Variants in CNTN6 observed in about 807,000 individuals in gnomAD.
CNTN6 encodes contactin 6, also known as contactin-6.
A neutral mutation model predicts 122.8 loss-of-function variants in CNTN6; 137 were observed. That is an observed-to-expected ratio of 1.12 (90% CI 0.97 to 1.29). The LOEUF is 1.29. Ranked by LOEUF, CNTN6 falls within the 50% of genes most tolerant of loss-of-function variation. The pLI is 0.00. For missense variants in CNTN6, 1,634 were observed against 1,223.4 expected (o/e 1.34, Z -5.01); for synonymous variants, 570 against 426.0 (o/e 1.34, Z -4.16).
chr3:1,168,406 G>A (rs1048368220), intron 2 of CNTN6, among the ~76,000 whole-genome samples: 3 of 148,676 alleles, frequency 2.0e-5, no homozygotes, highest in Admixed American at 1.4e-4. Flanking sequence ...GTATACAGGA[G>A]GTAGTGTAGA....
intron 4 of CNTN6, among the ~76,000 whole-genome samples, chr3:1,273,287 C>G (rs1225021492): frequency 6.6e-6 from 1 of 152,136 alleles, no homozygotes; most frequent in Non-Finnish European, 1.5e-5. Context: ...GAATTTGAGA[C>G]CATCTCAGAG....
At chr3:1,253,051 C>T (rs576006756) in intron 4 of CNTN6, among the ~76,000 whole-genome samples, 2 of 152,226 alleles carry the variant, frequency 1.3e-5, no homozygotes, top group Non-Finnish European at 2.9e-5. Context: ...GTCCTATGTG[C>T]GTGTTCTAAT....
chr3:1,101,460 CG>C (rs2090892645), intron 1 of CNTN6, among the ~76,000 whole-genome samples: 1 of 152,116 alleles, frequency 6.6e-6, no homozygotes, highest in African/African-American at 2.4e-5. Context: ...TGCATGGTGC[CG>C]TGTACTTCCC....
intron 2 of CNTN6, among the ~76,000 whole-genome samples, chr3:1,180,367 T>C (rs1270297838): frequency 6.6e-6 from 1 of 152,222 alleles, no homozygotes; most frequent in Admixed American, 6.5e-5. Flanking sequence ...ATTAATTACC[T>C]TGAATGTAAT....
At chr3:1,264,946 A>T (rs1175940314) in intron 4 of CNTN6, among the ~76,000 whole-genome samples, 2 of 150,910 alleles carry the variant, frequency 1.3e-5, no homozygotes, top group East Asian at 3.9e-4. Flanking sequence ...TCCTTGTATG[A>T]GTGAGATCAT....
intron 1 of CNTN6, among the ~76,000 whole-genome samples, chr3:1,142,974 A>G (rs762795461): frequency 0.14 from 7,177 of 50,130 alleles, 176 homozygotes; most frequent in Middle Eastern, 0.32. Flanking sequence ...GTGTGTATAT[A>G]TATATATATA....
At chr3:1,334,386 T>C (rs1326506848) in intron 11 of CNTN6, among the ~76,000 whole-genome samples, 1 of 151,922 alleles carries the variant, frequency 6.6e-6, no homozygotes, top group Non-Finnish European at 1.5e-5. Flanking sequence ...ATTTTTTTTT[T>C]TTTTTTGAGG....
intron 7 of CNTN6, among the ~76,000 whole-genome samples, chr3:1,308,457 C>A (rs753530343): frequency 6.6e-6 from 1 of 151,876 alleles, no homozygotes; most frequent in African/African-American, 2.4e-5. Context: ...CATCAGAAAC[C>A]AATATCTGGG....
chr3:1,226,212 A>T (rs1031832456), intron 3 of CNTN6, among the ~76,000 whole-genome samples: 2 of 152,122 alleles, frequency 1.3e-5, no homozygotes, highest in Non-Finnish European at 2.9e-5. Flanking sequence ...GTCATTTTTT[A>T]AAAAATTAAC....
chr3:1,235,796 T>C (rs11128590), intron 4 of CNTN6, among the ~76,000 whole-genome samples: 43,330 of 151,792 alleles, frequency 0.29, 6,517 homozygotes, highest in African/African-American at 0.33. Flanking sequence ...ATAGGGAGGC[T>C]GGTGGTCTGG....
intron 4 of CNTN6, among the ~76,000 whole-genome samples, chr3:1,238,740 C>T (rs1198051420): frequency 6.6e-6 from 1 of 152,122 alleles, no homozygotes. Context: ...ATATCAAGTA[C>T]TCTCTCAGAC....
At chr3:1,177,888 T>C (rs1050545275) in intron 2 of CNTN6, among the ~76,000 whole-genome samples, 8 of 143,588 alleles carry the variant, frequency 5.6e-5, no homozygotes, top group African/African-American at 2.1e-4. Flanking sequence ...AAACTCCCCC[T>C]GCCCTTTCCA....
chr3:1,261,345 A>C (rs2125708018), intron 4 of CNTN6, among the ~76,000 whole-genome samples: 1 of 152,278 alleles, frequency 6.6e-6, no homozygotes, highest in East Asian at 1.9e-4. Context: ...ACTGATGAAG[A>C]ATAAGGTAAT....
chr3:1,117,138 G>T (rs1442631803), intron 1 of CNTN6, among the ~76,000 whole-genome samples: 1 of 152,162 alleles, frequency 6.6e-6, no homozygotes, highest in Admixed American at 6.6e-5. Flanking sequence ...CTAGGGAAGA[G>T]ATTTATATTG....
intron 2 of CNTN6, among the ~76,000 whole-genome samples, chr3:1,165,493 A>G (rs866983898): frequency 2.6e-5 from 4 of 152,158 alleles, no homozygotes; most frequent in East Asian, 1.9e-4. Context: ...CAGGATTCCA[A>G]TGAGCTTTTT....
intron 20 of CNTN6, among the ~76,000 whole-genome samples, chr3:1,395,960 T>A (rs939253579): frequency 6.6e-6 from 1 of 152,154 alleles, no homozygotes; most frequent in African/African-American, 2.4e-5. Context: ...ACCACTGTGC[T>A]CCTTTATCAC....
At chr3:1,333,519 G>T (rs2126011770) in intron 11 of CNTN6, among the ~76,000 whole-genome samples, 1 of 152,194 alleles carries the variant, frequency 6.6e-6, no homozygotes, top group Non-Finnish European at 1.5e-5. Flanking sequence ...ATTTTACAAT[G>T]ATTCCAAGTA....
chr3:1,121,818 G>C (rs1319506033), intron 1 of CNTN6, among the ~76,000 whole-genome samples: 2 of 151,780 alleles, frequency 1.3e-5, no homozygotes, highest in Non-Finnish European at 2.9e-5. Flanking sequence ...ACACATTTTT[G>C]CTTAGAGCTG....
At chr3:1,289,550 T>C (rs1359248590) in intron 5 of CNTN6, among the ~76,000 whole-genome samples, 1 of 152,026 alleles carries the variant, frequency 6.6e-6, no homozygotes, top group Non-Finnish European at 1.5e-5. Flanking sequence ...TTCTCCAGAC[T>C]CCAACACACC....
Sources: allele counts gnomAD v4.1 joint callset (sites outside exome capture counted in the v4.1 genomes callset), GRCh38; gene constraint gnomAD v4.1.1; transcripts MANE v1.5; gene names NCBI Gene and HGNC (gene_info 2026-07-23, HGNC 2026-07-21).